ADGB: variants seen among roughly 807,000 people sequenced by gnomAD.
ADGB encodes the protein androglobin.
ADGB carries 172 observed loss-of-function variants against 210.5 expected under a neutral mutation model. That is an observed-to-expected ratio of 0.82 (90% CI 0.72 to 0.93). The LOEUF is 0.93. ADGB is among the 40% of genes least tolerant of loss of function. The probability of loss-of-function intolerance (pLI) is 0.00; values close to 1 mark genes in which losing one functional copy is unlikely to be tolerated. For synonymous variants in ADGB, 658 were observed against 662.7 expected (o/e 0.99, Z 0.11); for missense variants, 2,025 against 1,964.8 (o/e 1.03, Z -0.58).
chr6:146,793,335 G>C (rs1777979987), intron 33 of ADGB, among the ~76,000 whole-genome samples: 1 of 152,176 alleles, frequency 6.6e-6, no homozygotes, highest in African/African-American at 2.4e-5. Context: ...ACTTGACCCA[G>C]GAAGTCAATC....
chr6:146,747,198 C>T (rs915800138), intron 26 of ADGB, among the ~76,000 whole-genome samples: 2 of 152,090 alleles, frequency 1.3e-5, no homozygotes, highest in Admixed American at 6.6e-5. Flanking sequence ...TGTTATTCAA[C>T]GAGTTGTTGG....
At chr6:146,718,798 C>A (rs1583604313) in intron 16 of ADGB, among the ~76,000 whole-genome samples, 1 of 152,148 alleles carries the variant, frequency 6.6e-6, no homozygotes, top group South Asian at 2.1e-4. Context: ...GCAGAGAAAA[C>A]CTTTTGAGCA....
rs561066464 is a variant in ADGB at position 146,747,876 on chromosome 6, G to A, written c.3365+1767G>A. Among the ~76,000 whole-genome samples, 19 of 150,028 alleles carry A rather than the reference G, an allele frequency of 1.3e-4. No homozygotes were observed. In the South Asian group the frequency reaches 2.7e-3, roughly 22 times the overall value. On this transcript the variant is annotated intron_variant, in intron 26 of 35. Transcript: ENST00000397944. ...TGGCTCATTGCAACCTCTGCCTCCC[G>A]GGTTCAAGTGATTCTCAAGCCTCAG... is the stretch of plus-strand genomic sequence containing the variant.
rs753283752 is a variant in ADGB at position 146,721,397 on chromosome 6, T to C, written c.1993-6T>C. Reference sequence around the variant, plus strand: ...TAAGTATGACAACTGGTCTAATTTCTTGCAGTTCTCAGAAGAACGAGTGTC... The same window carrying C: ...TAAGTATGACAACTGGTCTAATTTCCTGCAGTTCTCAGAAGAACGAGTGTC... On this transcript the variant is annotated splice_region_variant and splice_polypyrimidine_tract_variant and intron_variant, in intron 16 of 35. Transcript: ENST00000397944. 6.6e-7 allele frequency: 1 copy of C among 1,508,416 alleles called. No individual in the cohort carries two copies. Among genetic ancestry groups the C allele is most frequent in the Non-Finnish European group, 9.0e-7 (1 of 1,107,596 alleles). The allele number at this position is 1,508,416 out of a possible 1,614,324, so 93.4% of individuals were successfully genotyped here.
intron 1 of ADGB, among the ~76,000 whole-genome samples, chr6:146,622,860 A>T (rs2114844922): frequency 6.6e-6 from 1 of 152,174 alleles, no homozygotes; most frequent in Non-Finnish European, 1.5e-5. Flanking sequence ...TTTACATTTC[A>T]GTATATTTGA....
intron 5 of ADGB, among the ~76,000 whole-genome samples, chr6:146,663,810 T>G (rs1471402351): frequency 6.6e-6 from 1 of 152,066 alleles, no homozygotes; most frequent in Non-Finnish European, 1.5e-5. Context: ...TTACTAAAGT[T>G]ATATTTGGAG....
intron 1 of ADGB, among the ~76,000 whole-genome samples, chr6:146,630,109 T>C (rs13199146): frequency 0.29 from 44,411 of 151,662 alleles, 7,483 homozygotes; most frequent in Admixed American, 0.4. Flanking sequence ...TGGTGGCAGG[T>C]GCCTGTAGTC....
At chr6:146,616,209 T>C (rs556508986) in intron 1 of ADGB, among the ~76,000 whole-genome samples, 2 of 152,148 alleles carry the variant, frequency 1.3e-5, no homozygotes, top group East Asian at 3.9e-4. Flanking sequence ...CATTTGTATG[T>C]CTTCTTTTGA....
chr6:146,606,943 A>G (rs1780637956), intron 1 of ADGB, among the ~76,000 whole-genome samples: 1 of 152,076 alleles, frequency 6.6e-6, no homozygotes, highest in Non-Finnish European at 1.5e-5. Flanking sequence ...GTAAAACGAC[A>G]TTGGTATTGA....
intron 20 of ADGB, 44 bp from the exon 21 acceptor site, chr6:146,733,076 G>T: frequency 7.2e-7 from 1 of 1,383,546 alleles, no homozygotes; most frequent in Non-Finnish European, 9.5e-7. Context: ...TCTCTGGCCA[G>T]ATGATGGTAT....
rs549613849 is a variant in ADGB, at chr6:146,753,653, TTTG to T, written c.3550+951_3550+953del. 1.1e-4 allele frequency among the ~76,000 whole-genome samples: 16 copies of T among 152,072 alleles called. No homozygotes were observed. The East Asian group carries it at 2.9e-3, about 28-fold the overall frequency. On this transcript the variant is annotated intron_variant, in intron 27 of 35. Coordinates refer to ENST00000397944, the MANE Select transcript of ADGB (RefSeq NM_024694.4). The stretch of plus-strand genomic sequence containing the variant: ...AATGGGTTTGGAACATTATTAGTTA[TTTG>T]TTGTTGTTGTTTATAGAAATCATCA...
chr6:146,785,766 C>A, intron 32 of ADGB, 54 bp downstream of exon 32: 1 of 1,287,828 alleles, frequency 7.8e-7, no homozygotes. Flanking sequence ...GTGATTTGCA[C>A]TTCTTAAAAA....
chr6:146,773,056 A>G (rs259419), intron 29 of ADGB, among the ~76,000 whole-genome samples: 65,693 of 151,908 alleles, frequency 0.43, 16,531 homozygotes, highest in Admixed American at 0.58. Context: ...ACAGAGCAAC[A>G]AGGAGAGTAT....
At chr6:146,625,961 TTTTC>T (rs1389502785) in intron 1 of ADGB, among the ~76,000 whole-genome samples, 4 of 152,072 alleles carry the variant, frequency 2.6e-5, no homozygotes, top group African/African-American at 7.2e-5. Flanking sequence ...TTGCTATTCA[TTTTC>T]TTTTTGTCTC....
chr6:146,616,024 C>T (rs759064674), intron 1 of ADGB, among the ~76,000 whole-genome samples: 1 of 150,068 alleles, frequency 6.7e-6, no homozygotes, highest in Non-Finnish European at 1.5e-5. Context: ...GTTTACATTC[C>T]CACCAGCAGT....
At chr6:146,721,988 C>T (rs1776825215) in intron 17 of ADGB, among the ~76,000 whole-genome samples, 1 of 152,090 alleles carries the variant, frequency 6.6e-6, no homozygotes, top group Non-Finnish European at 1.5e-5. Context: ...ATTATGCCCA[C>T]TGCTGCCACC....
intron 33 of ADGB, among the ~76,000 whole-genome samples, chr6:146,799,617 AAGGG>A (rs1313999910): frequency 2.1e-5 from 3 of 143,902 alleles, no homozygotes; most frequent in East Asian, 2.3e-4. Flanking sequence ...GAAGGGAAGA[AAGGG>A]AGGGAGGGAG....
At chr6:146,678,705 TAA>T (rs1399734024) in intron 9 of ADGB, among the ~76,000 whole-genome samples, 1 of 152,216 alleles carries the variant, frequency 6.6e-6, no homozygotes, top group Non-Finnish European at 1.5e-5. Context: ...TTTAGTTTTA[TAA>T]TGGCAGAAGA....
intron 35 of ADGB, chr6:146,807,591 G>A: frequency 6.5e-7 from 1 of 1,536,152 alleles, no homozygotes. Flanking sequence ...AAAGTAACCA[G>A]GGGATGTCCA....
Sources: gnomAD v4.1 joint callset for allele counts (sites outside exome capture counted in the v4.1 genomes callset) on GRCh38, gnomAD v4.1.1 for gene constraint, MANE v1.5 for transcripts, NCBI Gene and HGNC (gene_info 2026-07-23, HGNC 2026-07-21) for gene names.